Variants in PDE6A observed in about 807,000 individuals in gnomAD.
PDE6A encodes the protein rod cGMP-specific 3',5'-cyclic phosphodiesterase subunit alpha.
A neutral mutation model predicts 106.3 loss-of-function variants in PDE6A; 84 were observed. The ratio of observed to expected loss-of-function variants is 0.79; its 90% CI spans 0.66 to 0.95. The LOEUF is 0.95. Among genes scored for constraint, PDE6A ranks in the 40% least tolerant of loss-of-function variants. The pLI, the probability that PDE6A is intolerant of heterozygous loss-of-function variation, is 0.00. For synonymous variants in PDE6A, 394 were observed against 386.6 expected, an observed-to-expected ratio of 1.02 and a Z score of -0.23; for missense variants, 1,052 against 1,084.9, an observed-to-expected ratio of 0.97 and a Z score of 0.43.
rs775702453 is a variant in PDE6A at position 149,886,371 on chromosome 5, C to A, written c.1732G>T (p.Gly578Ter). 6.2e-7 allele frequency: 1 copy of A among 1,612,860 alleles called. No homozygotes were observed. The highest frequency in any genetic ancestry group is 1.1e-5 in the South Asian group (1 of 91,036). ...GQTMFSLLVT[G>*]KLKRYFTDLE... The stretch of plus-strand genomic sequence containing the variant: ...TCCGTGAAGTAGCGCTTCAGCTTTC[C>A]CGTCTGGAAGGGCAATCAGAGTGCA... The change falls in exon 14 of 22, where the codon GGA becomes TGA. Residue 578 changes from glycine (G) to a stop codon, truncating the protein, a stop_gained. Transcript: ENST00000255266. LOFTEE classifies it high-confidence loss of function.
chr5:149,923,050 C>T (rs1208378504), intron 4 of PDE6A, among the ~76,000 whole-genome samples: 1 of 152,208 alleles, frequency 6.6e-6, no homozygotes, highest in African/African-American at 2.4e-5. Flanking sequence ...TGTAACTAAT[C>T]ATGTTATTTC....
intron 4 of PDE6A, among the ~76,000 whole-genome samples, chr5:149,930,309 A>T (rs896798769): frequency 6.6e-6 from 1 of 152,160 alleles, no homozygotes; most frequent in Non-Finnish European, 1.5e-5. Context: ...GAGAGTCTGC[A>T]TTGGTCTGGG....
At chr5:149,923,505 TAACATAAC>T (rs1172547814) in intron 4 of PDE6A, among the ~76,000 whole-genome samples, 6 of 2,950 alleles carry the variant, frequency 2.0e-3, no homozygotes, top group Admixed American at 6.6e-3. Flanking sequence ...CTCAAATAAA[TAACATAAC>T]ATAACATAAC....
chr5:149,905,286 T>C (rs1470814769), intron 7 of PDE6A, among the ~76,000 whole-genome samples: 1 of 152,080 alleles, frequency 6.6e-6, no homozygotes, highest in Non-Finnish European at 1.5e-5. Flanking sequence ...CCACTGCCTG[T>C]CTCCCTCTCC....
At chr5:149,862,482 G>A (rs1208642568) in intron 21 of PDE6A, among the ~76,000 whole-genome samples, 1 of 152,218 alleles carries the variant, frequency 6.6e-6, no homozygotes, top group Non-Finnish European at 1.5e-5. Context: ...TCCAAGTCCG[G>A]ACGCGGTGGC....
At chr5:149,916,265 T>G (rs1008914478) in intron 5 of PDE6A, among the ~76,000 whole-genome samples, 2 of 152,202 alleles carry the variant, frequency 1.3e-5, no homozygotes, top group African/African-American at 4.8e-5. Context: ...ATATAGAGAT[T>G]CGTCTCTGCG....
chr5:149,932,423 G>A lies in PDE6A; in HGVS notation c.718-1255C>T, dbSNP rs1031764024. 8 of 1,383,038 alleles carry A rather than the reference G, an allele frequency of 5.8e-6. No individual in the cohort carries two copies. In the Admixed American group the frequency reaches 1.4e-4, roughly 24 times the overall value. The allele number at this position is 1,383,038 out of a possible 1,614,324, so 85.7% of individuals were successfully genotyped here. On this transcript the variant is annotated intron_variant, in intron 3 of 21. Coordinates refer to ENST00000255266, the MANE Select transcript of PDE6A (RefSeq NM_000440.3). ...CTGTTTTTAGTGCGAGGAGTTTAAA[G>A]GGAGTTGACTGAATAAGGTCAAGAT...
chr5:149,910,635 A>C (rs1753350331), intron 6 of PDE6A, among the ~76,000 whole-genome samples: 1 of 152,200 alleles, frequency 6.6e-6, no homozygotes, highest in African/African-American at 2.4e-5. Flanking sequence ...AGCAACCAGC[A>C]ATGGTTGCTC....
intron 8 of PDE6A, among the ~76,000 whole-genome samples, chr5:149,903,047 G>A (rs1478201358): frequency 6.7e-6 from 1 of 149,768 alleles, no homozygotes; most frequent in Non-Finnish European, 1.5e-5. Context: ...TAATTGGCAG[G>A]CTGAGGCAGG....
chr5:149,930,943 A>T, intron 4 of PDE6A, 85 bp downstream of exon 4: 2 of 1,358,116 alleles, frequency 1.5e-6, no homozygotes, highest in Non-Finnish European at 2.1e-6. Context: ...TCCCCCGTGC[A>T]ATTGAATGTG....
At chr5:149,890,471 TTA>T (rs1172798482) in intron 13 of PDE6A, among the ~76,000 whole-genome samples, 1 of 152,218 alleles carries the variant, frequency 6.6e-6, no homozygotes, top group African/African-American at 2.4e-5. Context: ...AGATGTGTTA[TTA>T]ATATGTGTTT....
intron 6 of PDE6A, among the ~76,000 whole-genome samples, chr5:149,914,563 T>A (rs1174054705): frequency 6.6e-6 from 1 of 151,872 alleles, no homozygotes; most frequent in African/African-American, 2.4e-5. Flanking sequence ...CTCTTAGAGA[T>A]TAGGAGAGAG....
chr5:149,930,381 G>A (rs1463915116), intron 4 of PDE6A, among the ~76,000 whole-genome samples: 2 of 152,166 alleles, frequency 1.3e-5, no homozygotes, highest in Non-Finnish European at 2.9e-5. Context: ...GGGTTTTCAG[G>A]ATAGGAGATA....
chr5:149,929,811 T>C (rs987705681), intron 4 of PDE6A, among the ~76,000 whole-genome samples: 1 of 152,220 alleles, frequency 6.6e-6, no homozygotes, highest in Non-Finnish European at 1.5e-5. Context: ...CTGTTTGTCA[T>C]GTTCTGTTCC....
rs140667412 is a variant in PDE6A at position 149,937,078 on chromosome 5, G to A, written c.475-2360C>T. On this transcript the variant is annotated intron_variant, in intron 1 of 21. Coordinates refer to ENST00000255266, the MANE Select transcript of PDE6A (RefSeq NM_000440.3). ...AATGGACTGGATGGTGCTGTAGAGA[G>A]TGATGAAAGGGATGGCAGGCTGGTG... 5.9e-5 allele frequency among the ~76,000 whole-genome samples: 9 copies of A among 152,340 alleles called. No homozygotes were observed. In the East Asian group the frequency reaches 1.2e-3, roughly 20 times the overall value.
At chr5:149,891,454 A>G (rs1380136519) in intron 13 of PDE6A, among the ~76,000 whole-genome samples, 3 of 152,202 alleles carry the variant, frequency 2.0e-5, no homozygotes, top group Non-Finnish European at 4.4e-5. Context: ...TGGGCGACAG[A>G]GCGAGATTCC....
chr5:149,935,423 C>T (rs1411986888), intron 1 of PDE6A, among the ~76,000 whole-genome samples: 2 of 152,164 alleles, frequency 1.3e-5, no homozygotes, highest in Non-Finnish European at 2.9e-5. Context: ...CACCACACAA[C>T]CAGTTCAGTA....
At chr5:149,922,812 A>T (rs754568341) in intron 4 of PDE6A, among the ~76,000 whole-genome samples, 1 of 152,266 alleles carries the variant, frequency 6.6e-6, no homozygotes, top group Non-Finnish European at 1.5e-5. Flanking sequence ...CACCTGTAAG[A>T]TAAGTGGCTG....
intron 4 of PDE6A, among the ~76,000 whole-genome samples, chr5:149,930,345 A>G (rs1380718483): frequency 6.6e-6 from 1 of 152,220 alleles, no homozygotes; most frequent in African/African-American, 2.4e-5. Context: ...GACAAGGCGT[A>G]CAAAATGAAA....
Sources: allele counts gnomAD v4.1 joint callset (sites outside exome capture counted in the v4.1 genomes callset), GRCh38; gene constraint gnomAD v4.1.1; transcripts MANE v1.5; gene names NCBI Gene and HGNC (gene_info 2026-07-23, HGNC 2026-07-21).